CMIP: variants seen among roughly 807,000 people sequenced by gnomAD.
CMIP encodes c-Maf inducing protein.
CMIP carries 13 observed loss-of-function variants against 97.3 expected under a neutral mutation model. That is an observed-to-expected ratio of 0.13 (90% CI 0.09 to 0.21). The LOEUF (loss-of-function observed/expected upper bound fraction) is 0.21. Among genes scored for constraint, CMIP ranks in the 10% least tolerant of loss-of-function variants. The pLI, the probability that CMIP is intolerant of heterozygous loss-of-function variation, is 1.00. For missense variants in CMIP, 847 were observed against 1,024.9 expected (o/e 0.83, Z 2.37); for synonymous variants, 538 against 436.3 (o/e 1.23, Z -2.91).
intron 1 of CMIP, among the ~76,000 whole-genome samples, chr16:81,500,054 A>C (rs2089568174): frequency 6.6e-6 from 1 of 152,076 alleles, no homozygotes; most frequent in African/African-American, 2.4e-5. Context: ...TCCCTGGGGC[A>C]ATCGGCCTTC....
chr16:81,549,596 T>A (rs2090614142), intron 1 of CMIP, among the ~76,000 whole-genome samples: 1 of 152,042 alleles, frequency 6.6e-6, no homozygotes, highest in South Asian at 2.1e-4. Context: ...ATGCCAGTGG[T>A]CCTGAGAGGC....
chr16:81,537,145 C>G (rs907526178), intron 1 of CMIP, among the ~76,000 whole-genome samples: 2 of 152,176 alleles, frequency 1.3e-5, no homozygotes, highest in South Asian at 2.1e-4. Context: ...AGAGCAGGGT[C>G]CCCCCTGCTC....
chr16:81,477,928 G>T (rs1908027408), intron 1 of CMIP, among the ~76,000 whole-genome samples: 1 of 152,252 alleles, frequency 6.6e-6, no homozygotes, highest in Non-Finnish European at 1.5e-5. Context: ...CCCTGTTAAG[G>T]TGACTTCTGC....
intron 10 of CMIP, among the ~76,000 whole-genome samples, chr16:81,686,618 C>A (rs1905419452): frequency 6.6e-6 from 1 of 152,222 alleles, no homozygotes; most frequent in African/African-American, 2.4e-5. Context: ...TTCTCCGCGT[C>A]TGGCATCGGA....
At chr16:81,660,329 A>G (rs1344722830) in intron 5 of CMIP, among the ~76,000 whole-genome samples, 1 of 151,132 alleles carries the variant, frequency 6.6e-6, no homozygotes, top group Non-Finnish European at 1.5e-5. Flanking sequence ...GCTAGAGTGC[A>G]GTGGCAGGAA....
intron 1 of CMIP, among the ~76,000 whole-genome samples, chr16:81,467,346 A>G (rs934683012): frequency 2.6e-5 from 4 of 152,134 alleles, no homozygotes; most frequent in African/African-American, 9.7e-5. Flanking sequence ...GGGGCTTAAC[A>G]TAGAGCAGCC....
chr16:81,551,312 A>G (rs1230229443), intron 1 of CMIP, among the ~76,000 whole-genome samples: 1 of 152,236 alleles, frequency 6.6e-6, no homozygotes, highest in Non-Finnish European at 1.5e-5. Flanking sequence ...AAAGCCAGGA[A>G]AATGGGGGGA....
chr16:81,530,797 A>T (rs142639041), intron 1 of CMIP, among the ~76,000 whole-genome samples: 1 of 152,318 alleles, frequency 6.6e-6, no homozygotes, highest in African/African-American at 2.4e-5. Flanking sequence ...TTTGTGTGCT[A>T]GGCACGTACC....
intron 2 of CMIP, among the ~76,000 whole-genome samples, chr16:81,612,433 C>T (rs2091847299): frequency 1.3e-5 from 2 of 152,074 alleles, no homozygotes; most frequent in Non-Finnish European, 1.5e-5. Context: ...AGGGCAGGGA[C>T]GGGGTGGGTT....
chr16:81,449,931 A>C (rs1388823553), intron 1 of CMIP, among the ~76,000 whole-genome samples: 2 of 152,254 alleles, frequency 1.3e-5, no homozygotes, highest in African/African-American at 4.8e-5. Context: ...CCACGGCAAC[A>C]TCATGCCAGT....
chr16:81,553,485 A>G (rs2090700094), intron 1 of CMIP, among the ~76,000 whole-genome samples: 1 of 150,488 alleles, frequency 6.6e-6, no homozygotes, highest in Admixed American at 6.7e-5. Context: ...GAGTCGTCTG[A>G]TGAAGAGCAT....
At chr16:81,674,312 T>C (rs577428547) in intron 9 of CMIP, among the ~76,000 whole-genome samples, 7 of 152,318 alleles carry the variant, frequency 4.6e-5, no homozygotes, top group East Asian at 1.9e-4. Flanking sequence ...TTTGTATTTT[T>C]AGTAGAAATG....
At chr16:81,546,880 A>G (rs2090556240) in intron 1 of CMIP, among the ~76,000 whole-genome samples, 1 of 152,196 alleles carries the variant, frequency 6.6e-6, no homozygotes, top group Admixed American at 6.5e-5. Flanking sequence ...GCCACACTTC[A>G]GTGCTCCGTA....
chr16:81,689,116 A>G (rs1905761412), intron 10 of CMIP, among the ~76,000 whole-genome samples: 1 of 152,246 alleles, frequency 6.6e-6, no homozygotes, highest in South Asian at 2.1e-4. Context: ...TGCAATCAAT[A>G]TACATGTGCA....
intron 1 of CMIP, among the ~76,000 whole-genome samples, chr16:81,545,034 C>T (rs963325217): frequency 3.9e-5 from 6 of 152,152 alleles, no homozygotes; most frequent in Non-Finnish European, 5.9e-5. Flanking sequence ...CAGCCACAAA[C>T]GACCTTTTGC....
At chr16:81,694,652 CT>C (rs1906494203) in intron 13 of CMIP, among the ~76,000 whole-genome samples, 1 of 152,360 alleles carries the variant, frequency 6.6e-6, no homozygotes, top group African/African-American at 2.4e-5. Flanking sequence ...GCAGACCCCC[CT>C]GCCGCCGCAT....
chr16:81,585,599 T>A (rs965448088), intron 1 of CMIP, among the ~76,000 whole-genome samples: 8 of 152,168 alleles, frequency 5.3e-5, no homozygotes, highest in African/African-American at 1.9e-4. Flanking sequence ...CTTCTTTGAT[T>A]TAGGATCACA....
intron 1 of CMIP, among the ~76,000 whole-genome samples, chr16:81,498,911 G>A (rs1260172635): frequency 6.6e-6 from 1 of 152,188 alleles, no homozygotes; most frequent in Non-Finnish European, 1.5e-5. Context: ...TCACCCACAC[G>A]TATGCATTTA....
chr16:81,701,030 G>A (rs535830516), intron 15 of CMIP, among the ~76,000 whole-genome samples: 1 of 152,012 alleles, frequency 6.6e-6, no homozygotes, highest in East Asian at 1.9e-4. Context: ...TGCACCTGTA[G>A]TTCCAGCAAC....
Sources: gnomAD v4.1 joint callset for allele counts (sites outside exome capture counted in the v4.1 genomes callset) on GRCh38, gnomAD v4.1.1 for gene constraint, MANE v1.5 for transcripts, NCBI Gene and HGNC (gene_info 2026-07-23, HGNC 2026-07-21) for gene names.